DNAH2: variants seen among roughly 807,000 people sequenced by gnomAD.
DNAH2 encodes the protein dynein axonemal heavy chain 2.
DNAH2 carries 323 observed loss-of-function variants against 523.5 expected under a neutral mutation model. The observed-to-expected ratio is 0.62, with a 90% CI of 0.56 to 0.68. DNAH2 has a LOEUF of 0.68. Among genes scored for constraint, DNAH2 ranks in the 30% least tolerant of loss-of-function variants. The pLI is 0.00. For synonymous variants in DNAH2, 2,093 were observed against 2,177.4 expected, an observed-to-expected ratio of 0.96 and a Z score of 1.08; for missense variants, 4,907 against 5,701.5, an observed-to-expected ratio of 0.86 and a Z score of 4.49.
intron 44 of DNAH2, among the ~76,000 whole-genome samples, chr17:7,789,841 G>T (rs907433585): frequency 6.6e-6 from 1 of 152,156 alleles, no homozygotes; most frequent in Non-Finnish European, 1.5e-5. Context: ...GCCTCCCAAA[G>T]TGCTGGGATT....
chr17:7,736,513 C>G (rs531126861), intron 7 of DNAH2, among the ~76,000 whole-genome samples: 1 of 152,136 alleles, frequency 6.6e-6, no homozygotes. Flanking sequence ...AATCTAGACT[C>G]GAGGGAATTC....
At position 7,774,957 on chromosome 17, in the gene DNAH2, A is replaced by G. The variant is rs2076408811; in HGVS notation, c.4700A>G (p.Lys1567Arg). The G allele has an allele frequency of 1.2e-6, 2 of 1,613,996 alleles. No individual in the cohort carries two copies. The highest frequency in any genetic ancestry group is 2.2e-5 in the South Asian group (2 of 91,066). Reference sequence around the variant, plus strand: ...CTCAAAAAATGCTTTGACAACATCAAGTTGCTGAGAATCCAGAAGGTCAGT... The same window carrying G: ...CTCAAAAAATGCTTTGACAACATCAGGTTGCTGAGAATCCAGAAGGTCAGT... ...PHLKKCFDNI[K>R]LLRIQKVGGP... is the part of the protein sequence containing the mutation. Residue 1567 changes from lysine to arginine, a missense_variant, in exon 29 of 86, where the codon AAG becomes AGG. Lys to Arg is a conservative substitution (Grantham distance 26, BLOSUM62 2). Coordinates refer to ENST00000572933, the MANE Select transcript of DNAH2 (RefSeq NM_020877.5).
At chr17:7,751,988 A>G (rs2075697451) in intron 12 of DNAH2, among the ~76,000 whole-genome samples, 1 of 143,678 alleles carries the variant, frequency 7.0e-6, no homozygotes, top group Non-Finnish European at 1.5e-5. Flanking sequence ...TGCAGGCTGG[A>G]GTGCAGTGAC....
chr17:7,815,382 T>C (rs921555195), intron 63 of DNAH2, among the ~76,000 whole-genome samples: 1 of 152,246 alleles, frequency 6.6e-6, no homozygotes, highest in Non-Finnish European at 1.5e-5. Context: ...AAAGGGAACA[T>C]GTATCGTGTA....
At chr17:7,795,349 C>G (rs1248882551) in intron 49 of DNAH2, among the ~76,000 whole-genome samples, 1 of 151,996 alleles carries the variant, frequency 6.6e-6, no homozygotes, top group African/African-American at 2.4e-5. Flanking sequence ...GTTTGTTCCT[C>G]ATGAATATTT....
At position 7,830,731 on chromosome 17, in the gene DNAH2, T is replaced by C. The variant is rs752426994; in HGVS notation, c.12119T>C (p.Ile4040Thr). 3.1e-5 allele frequency: 50 copies of C among 1,614,092 alleles called. No individual in the cohort carries two copies. The South Asian group carries it at 4.3e-4, about 14-fold the overall frequency. ...ETPWDALKYL[I>T]AGINYGGHVT... ...CCTTGGGACGCACTTAAGTACCTCA[T>C]TGCCGGCATCAACTATGGTGGACAT... is the stretch of plus-strand genomic sequence containing the variant. The change falls in exon 79 of 86, where the codon ATT becomes ACT. Residue 4040 changes from isoleucine (I) to threonine (T), a missense_variant. Physicochemically the swap from Ile to Thr is moderately conservative, Grantham distance 89 (BLOSUM62 -1). Coordinates refer to ENST00000572933, the MANE Select transcript of DNAH2 (RefSeq NM_020877.5).
At chr17:7,793,265 C>T in intron 48 of DNAH2, 60 bp downstream of exon 48, 15 of 1,553,398 alleles carry the variant, frequency 9.7e-6, no homozygotes, top group Non-Finnish European at 1.3e-5. Flanking sequence ...GGCTCAGTCC[C>T]CACTCCACTG....
intron 7 of DNAH2, among the ~76,000 whole-genome samples, chr17:7,736,335 G>A (rs2075141421): frequency 6.6e-6 from 1 of 152,208 alleles, no homozygotes; most frequent in Non-Finnish European, 1.5e-5. Context: ...AGAACTAACT[G>A]GAGGAGCCTA....
Position 7,754,316 on chromosome 17 carries a change from G to C in DNAH2, c.1905-2775G>C. The stretch of plus-strand genomic sequence containing the variant: ...GAGCTGGAAGAGGGCATCTGAAAGG[G>C]AAAGGAAGTTATACTAGAATAGGCA... On this transcript the variant is annotated intron_variant, in intron 12 of 85. Coordinates refer to ENST00000572933, the MANE Select transcript of DNAH2 (RefSeq NM_020877.5). The surrounding 1 kb of genome is among the most constrained non-coding windows in gnomAD (Gnocchi z 4.6). 1 of 401,602 alleles carries C rather than the reference G, an allele frequency of 2.5e-6. No individual in the cohort carries two copies. The highest frequency in any genetic ancestry group is 4.4e-6 in the Non-Finnish European group (1 of 226,890). The allele number at this position is 401,602 out of a possible 1,614,324, so 24.9% of individuals were successfully genotyped here.
At position 7,779,296 on chromosome 17, in the gene DNAH2, G is replaced by A; in HGVS notation, c.5595G>A (p.Leu1865=). The change falls in exon 36 of 86, where the codon CTG becomes CTA. Residue 1865 remains leucine (L), a synonymous_variant. Coordinates refer to ENST00000572933, the MANE Select transcript of DNAH2 (RefSeq NM_020877.5). ...TTAACCGCATCAACATCGAGGTGCTGTCAGTGGTGGCCCACCAGATCCTGT... is the reference window on the plus strand; with the variant it reads ...TTAACCGCATCAACATCGAGGTGCTATCAGTGGTGGCCCACCAGATCCTGT... ...DEFNRINIEV[L]SVVAHQILCI... 1 of 1,614,208 alleles carries A rather than the reference G, an allele frequency of 6.2e-7. No homozygotes were observed. Among genetic ancestry groups the A allele is most frequent in the Middle Eastern group, 1.7e-4 (1 of 6,038 alleles).
Position 7,754,305 on chromosome 17 carries a change from C to T in DNAH2, c.1905-2786C>T. ...AAGGTATAGGAGAGCTGGAAGAGGG[C>T]ATCTGAAAGGGAAAGGAAGTTATAC... is the stretch of plus-strand genomic sequence containing the variant. On this transcript the variant is annotated intron_variant, in intron 12 of 85. Coordinates refer to ENST00000572933, the MANE Select transcript of DNAH2 (RefSeq NM_020877.5). This position sits in a 1 kb window ranked among gnomAD's most constrained non-coding sequence, Gnocchi z 4.6. 5.3e-6 allele frequency: 2 copies of T among 376,444 alleles called. No homozygotes were observed. The highest frequency in any genetic ancestry group is 4.4e-5 in the East Asian group (1 of 22,610). The allele number at this position is 376,444 out of a possible 1,614,324, so 23.3% of individuals were successfully genotyped here. A position where few individuals can be genotyped will look rare whatever the true frequency, so the allele number is the denominator to read the frequency against.
At chr17:7,791,851 G>T in intron 44 of DNAH2, 66 bp from the exon 45 acceptor site, 6 of 1,500,330 alleles carry the variant, frequency 4.0e-6, no homozygotes, top group Non-Finnish European at 5.4e-6. Context: ...CTGGTGTCAC[G>T]AGTCTGCCAG....
chr17:7,800,535 G>A (rs939078821), intron 56 of DNAH2, among the ~76,000 whole-genome samples: 10 of 151,896 alleles, frequency 6.6e-5, no homozygotes, highest in African/African-American at 1.5e-4. Context: ...GGAAGAGGGC[G>A]GAGAACTTGT....
chr17:7,722,243 G>A (rs527389095), intron 2 of DNAH2, among the ~76,000 whole-genome samples: 21 of 151,942 alleles, frequency 1.4e-4, no homozygotes, highest in African/African-American at 4.8e-4. Context: ...GACTTCGGGC[G>A]ATCCACCAGC....
rs368465229 is a variant in DNAH2, at chr17:7,786,315, C to G, written c.6321C>G (p.Ala2107=). The G allele has an allele frequency of 1.2e-6, 2 of 1,613,328 alleles. No individual in the cohort carries two copies. Among genetic ancestry groups the G allele is most frequent in the South Asian group, 1.1e-5 (1 of 91,068 alleles). The part of the protein sequence containing the change: ...LQASLSSLCR[A]GDPNFNIVRE... ...CCTCCCTGTCCTCTCTGTGCCGCGC[C>G]GGAGACCCTAACTTCAACATTGTTA... Residue 2107 remains alanine, a synonymous_variant, in exon 40 of 86, where the codon GCC becomes GCG. Coordinates refer to ENST00000572933, the MANE Select transcript of DNAH2 (RefSeq NM_020877.5). The surrounding 1 kb of genome is among the most constrained non-coding windows in gnomAD (Gnocchi z 7.5).
At position 7,828,734 on chromosome 17, in the gene DNAH2, A is replaced by C. The variant is rs1421093157; in HGVS notation, c.11854-1566A>C. Among the ~76,000 whole-genome samples, 1 of 151,842 alleles carries C rather than the reference A, an allele frequency of 6.6e-6. No homozygotes were observed. Among genetic ancestry groups the C allele is most frequent in the Non-Finnish European group, 1.5e-5 (1 of 67,964 alleles). ...GCTGAGATTACAGGTGTGAGCCACT[A>C]TGCCTGGCCTAAAATTCTGTAATTT... On this transcript the variant is annotated intron_variant, in intron 77 of 85. Transcript: ENST00000572933. This position sits in a 1 kb window ranked among gnomAD's most constrained non-coding sequence, Gnocchi z 4.1.
rs1249717099 is a variant in DNAH2 at position 7,796,534 on chromosome 17, A to G, written c.7745A>G (p.Lys2582Arg). The change falls in exon 50 of 86, where the codon AAG (lysine) becomes AGG (arginine). Residue 2582 changes from lysine to arginine, a missense_variant. Transcript: ENST00000572933. The part of the protein sequence containing the change: ...QKLQDFEEEV[K>R]PIGNVVTEAT... Reference sequence around the variant, plus strand: ...CTTCAGGACTTTGAGGAAGAGGTGAAGCCCATTGGGAACGTGGTGACAGAG... The same window carrying G: ...CTTCAGGACTTTGAGGAAGAGGTGAGGCCCATTGGGAACGTGGTGACAGAG... The G allele has an allele frequency of 9.9e-6, 16 of 1,613,662 alleles. No homozygotes were observed. The highest frequency in any genetic ancestry group is 1.4e-5 in the Non-Finnish European group (16 of 1,179,952).
intron 64 of DNAH2, 70 bp downstream of exon 64, chr17:7,816,805 G>C: frequency 1.9e-6 from 3 of 1,566,336 alleles, no homozygotes; most frequent in South Asian, 1.2e-5. Flanking sequence ...ATCCCTTTTA[G>C]CTTGAGGAGC....
In DNAH2 at chr17:7,759,858, C is replaced by A. The variant is rs1423532053; in HGVS notation, c.2705C>A (p.Ser902Tyr). 2 of 1,614,212 alleles carry A rather than the reference C, an allele frequency of 1.2e-6. No individual in the cohort carries two copies. The highest frequency in any genetic ancestry group is 4.5e-5 in the East Asian group (2 of 44,884). Residue 902 changes from serine to tyrosine, a missense_variant, in exon 17 of 86, where the codon TCC (serine) becomes TAC (tyrosine). Physicochemically the swap from Ser to Tyr is moderately radical, Grantham distance 144. This residue lies in a region of DNAH2 where 2,806 missense variants were observed against 3,190.8 expected (regional missense o/e 0.88). Coordinates refer to ENST00000572933, the MANE Select transcript of DNAH2 (RefSeq NM_020877.5). ...AATGACATTGGCAACCACCTCTTTT[C>A]CACCATCTCTGTCTTCTGCCACCTC... is the stretch of plus-strand genomic sequence containing the variant. ...VVNDIGNHLF[S>Y]TISVFCHLPD...
Sources: gnomAD v4.1 joint callset for allele counts (sites outside exome capture counted in the v4.1 genomes callset) on GRCh38, gnomAD v4.1.1 for gene constraint, gnomAD v4.1.1 regional missense constraint, Gnocchi (gnomAD v3.1) non-coding constraint, MANE v1.5 for transcripts, NCBI Gene and HGNC (gene_info 2026-07-23, HGNC 2026-07-21) for gene names.